The following LRFN2 variants were observed in gnomAD, a reference collection of about 807,000 sequenced individuals.
The protein encoded by LRFN2 is leucine rich repeat and fibronectin type III domain containing 2.
LRFN2 carries 18 observed loss-of-function variants against 37.3 expected under a neutral mutation model. That is an observed-to-expected ratio of 0.48 (90% CI 0.33 to 0.72). The LOEUF (loss-of-function observed/expected upper bound fraction) is 0.72, where lower values mean the gene tolerates loss of function less well. Ranked by LOEUF, LRFN2 falls within the 30% of genes least tolerant of loss-of-function variation. The pLI is 0.02. For missense variants in LRFN2, 1,006 were observed against 1,060.7 expected (o/e 0.95, Z 0.72); for synonymous variants, 556 against 466.6 (o/e 1.19, Z -2.47).
intron 1 of LRFN2, among the ~76,000 whole-genome samples, chr6:40,446,432 C>T (rs1484108681): frequency 1.3e-5 from 2 of 152,254 alleles, no homozygotes; most frequent in African/African-American, 4.8e-5. Flanking sequence ...GCTGCCCCTA[C>T]ATTCCTCGTG....
intron 1 of LRFN2, among the ~76,000 whole-genome samples, chr6:40,585,330 C>T (rs1767481394): frequency 6.6e-6 from 1 of 152,148 alleles, no homozygotes; most frequent in Non-Finnish European, 1.5e-5. Context: ...TGCAACTCTG[C>T]ACTCCCAGCC....
At chr6:40,436,329 A>G in intron 1 of LRFN2, among the ~76,000 whole-genome samples, 1 of 152,222 alleles carries the variant, frequency 6.6e-6, no homozygotes, top group South Asian at 2.1e-4. Flanking sequence ...TTTTATTAGA[A>G]CACAGCCATG....
At chr6:40,549,902 T>C (rs1480204616) in intron 1 of LRFN2, among the ~76,000 whole-genome samples, 3 of 151,966 alleles carry the variant, frequency 2.0e-5, no homozygotes, top group Non-Finnish European at 4.4e-5. Context: ...TAGCCAGGCA[T>C]GGTGGTGCTT....
intron 1 of LRFN2, among the ~76,000 whole-genome samples, chr6:40,472,219 C>T (rs73732669): frequency 0.026 from 3,936 of 152,312 alleles, 130 homozygotes; most frequent in African/African-American, 0.072. Context: ...CCTTCAGTTT[C>T]TCTTATTTGG....
chr6:40,447,028 T>A (rs1019525673), intron 1 of LRFN2, among the ~76,000 whole-genome samples: 40 of 151,562 alleles, frequency 2.6e-4, no homozygotes, highest in African/African-American at 9.0e-4. Flanking sequence ...GCGTCTCCCC[T>A]CAGACTGGGG....
At chr6:40,512,089 C>A (rs934762098) in intron 1 of LRFN2, among the ~76,000 whole-genome samples, 1 of 152,170 alleles carries the variant, frequency 6.6e-6, no homozygotes, top group South Asian at 2.1e-4. Context: ...CATCCCCAAC[C>A]CTGCCCAGGT....
At chr6:40,453,327 T>C (rs930275380) in intron 1 of LRFN2, among the ~76,000 whole-genome samples, 4 of 152,096 alleles carry the variant, frequency 2.6e-5, no homozygotes, top group African/African-American at 4.8e-5. Flanking sequence ...TCATTGTGCA[T>C]TGACATGGCA....
intron 1 of LRFN2, among the ~76,000 whole-genome samples, chr6:40,472,075 G>T (rs1764611185): frequency 6.6e-6 from 1 of 152,220 alleles, no homozygotes; most frequent in African/African-American, 2.4e-5. Flanking sequence ...TCCCCGGTGT[G>T]TGTGTGCACA....
chr6:40,438,357 T>C (rs1402602776), intron 1 of LRFN2, among the ~76,000 whole-genome samples: 3 of 152,148 alleles, frequency 2.0e-5, no homozygotes, highest in Non-Finnish European at 4.4e-5. Context: ...AAGGTACCCT[T>C]GTGCAGGCAG....
At chr6:40,575,554 G>T (rs1767262941) in intron 1 of LRFN2, among the ~76,000 whole-genome samples, 2 of 152,204 alleles carry the variant, frequency 1.3e-5, no homozygotes. Context: ...GGATATTGGG[G>T]TAAAGGAACT....
intron 1 of LRFN2, among the ~76,000 whole-genome samples, chr6:40,452,512 G>T (rs1456430234): frequency 6.6e-6 from 1 of 152,196 alleles, no homozygotes; most frequent in Non-Finnish European, 1.5e-5. Flanking sequence ...AGAGCATCCT[G>T]ACATGAAGGA....
chr6:40,473,386 G>C (rs1294709529), intron 1 of LRFN2, among the ~76,000 whole-genome samples: 1 of 152,148 alleles, frequency 6.6e-6, no homozygotes, highest in Admixed American at 6.5e-5. Flanking sequence ...CTCCAGCCCA[G>C]CCATCTTCTA....
intron 2 of LRFN2, among the ~76,000 whole-genome samples, chr6:40,419,771 C>G (rs1230239319): frequency 1.3e-5 from 2 of 152,136 alleles, no homozygotes; most frequent in Non-Finnish European, 2.9e-5. Context: ...CACCTTAACC[C>G]CAGGACACAG....
chr6:40,542,079 G>A (rs126776), intron 1 of LRFN2, among the ~76,000 whole-genome samples: 14 of 152,058 alleles, frequency 9.2e-5, no homozygotes, highest in Admixed American at 9.2e-4. Context: ...ACAGAGACCT[G>A]GTGGTTCTAA....
intron 1 of LRFN2, among the ~76,000 whole-genome samples, chr6:40,436,650 C>A (rs1277246498): frequency 6.6e-6 from 1 of 152,200 alleles, no homozygotes; most frequent in Non-Finnish European, 1.5e-5. Flanking sequence ...CCAGCTTCAC[C>A]TTACCCAGGC....
At chr6:40,478,151 G>A (rs764160947) in intron 1 of LRFN2, among the ~76,000 whole-genome samples, 2 of 152,126 alleles carry the variant, frequency 1.3e-5, no homozygotes, top group Non-Finnish European at 2.9e-5. Flanking sequence ...CCTCTCAGAT[G>A]GAATGGCTGT....
chr6:40,565,298 G>A (rs1767068249), intron 1 of LRFN2, among the ~76,000 whole-genome samples: 1 of 151,760 alleles, frequency 6.6e-6, no homozygotes, highest in African/African-American at 2.4e-5. Context: ...TCGTGAAAAT[G>A]GCCATACTGC....
At chr6:40,519,137 A>C (rs1367106270) in intron 1 of LRFN2, among the ~76,000 whole-genome samples, 1 of 152,166 alleles carries the variant, frequency 6.6e-6, no homozygotes, top group African/African-American at 2.4e-5. Context: ...TTCACCATAG[A>C]TTATCAGTTT....
rs1581805388 is a variant in LRFN2, at chr6:40,581,105, C to A, written c.-19+5836G>T. The stretch of plus-strand genomic sequence containing the variant: ...CGGCAGCCCTGGGATCCTGGTCATT[C>A]CAAACGAAACCCAGTTACAGTGTTT... On this transcript the variant is annotated intron_variant, in intron 1 of 2. Coordinates refer to ENST00000338305, the MANE Select transcript of LRFN2 (RefSeq NM_020737.3). Among the ~76,000 whole-genome samples the A allele has an allele frequency of 2.0e-5, 3 of 152,156 alleles. No homozygotes were observed. The East Asian group carries it at 5.8e-4, about 29-fold the overall frequency.
Sources: allele counts gnomAD v4.1 joint callset (sites outside exome capture counted in the v4.1 genomes callset), GRCh38; gene constraint gnomAD v4.1.1; transcripts MANE v1.5; gene names NCBI Gene and HGNC (gene_info 2026-07-23, HGNC 2026-07-21).